The following MAPK1IP1L variants were observed in gnomAD, a reference collection of about 807,000 sequenced individuals.
MAPK1IP1L encodes the protein mitogen-activated protein kinase 1 interacting protein 1 like, also known as MAPK-interacting and spindle-stabilizing protein-like.
A neutral mutation model predicts 18.1 loss-of-function variants in MAPK1IP1L; 10 were observed. The observed-to-expected ratio is 0.55, with a 90% CI of 0.34 to 0.94. The LOEUF is 0.94. Among genes scored for constraint, MAPK1IP1L ranks in the 40% least tolerant of loss-of-function variants. The pLI is 0.02. For missense variants in MAPK1IP1L, 260 were observed against 318.2 expected (o/e 0.82, Z 1.39); for synonymous variants, 115 against 117.3 (o/e 0.98, Z 0.13).
rs1040190178 is a variant in MAPK1IP1L at position 55,069,687 on chromosome 14, C to T, written c.*5060C>T. The T allele has an allele frequency of 6.6e-6, 1 of 152,160 alleles. No individual in the cohort carries two copies. The highest frequency in any genetic ancestry group is 2.4e-5 in the African/African-American group (1 of 41,428). The allele number at this position is 152,160 out of a possible 1,614,324, so 9.4% of individuals were successfully genotyped here. A position where few individuals can be genotyped will look rare whatever the true frequency, so the allele number is the denominator to read the frequency against. On this transcript the variant is annotated 3_prime_UTR_variant, in exon 4 of 4. Transcript: ENST00000395468. ...CCTCTTTGCATGTGACCTGCATTCA[C>T]TAAGGATATCTGGAAACCACCCTTC...
At chr14:55,060,183 T>TA (rs1273890625) in intron 1 of MAPK1IP1L, among the ~76,000 whole-genome samples, 1 of 120,914 alleles carries the variant, frequency 8.3e-6, no homozygotes, top group Non-Finnish European at 1.7e-5. Context: ...TTTTTTTTTT[T>TA]TTTTTTGATA....
At chr14:55,060,808 T>TA (rs1256669732) in intron 1 of MAPK1IP1L, 1 of 152,178 alleles carries the variant, frequency 6.6e-6, no homozygotes, top group East Asian at 1.9e-4. Context: ...CACTTCAATT[T>TA]AAAAATTGGT....
intron 1 of MAPK1IP1L, among the ~76,000 whole-genome samples, chr14:55,055,009 T>C (rs72715588): frequency 0.017 from 2,643 of 152,354 alleles, 30 homozygotes; most frequent in African/African-American, 0.039. Flanking sequence ...CTTTAGATTA[T>C]TCCAAAAAGA....
At chr14:55,055,813 C>G (rs1005930048) in intron 1 of MAPK1IP1L, among the ~76,000 whole-genome samples, 2 of 152,046 alleles carry the variant, frequency 1.3e-5, no homozygotes, top group Non-Finnish European at 2.9e-5. Flanking sequence ...GCCTATAATC[C>G]CAGCTACTTG....
Position 55,067,743 on chromosome 14 carries a change from A to C in MAPK1IP1L, c.*3116A>C, listed in dbSNP as rs892004235. On this transcript the variant is annotated 3_prime_UTR_variant, in exon 4 of 4. Transcript: ENST00000395468. ...AAGGGAACAATGTTGCTTTCAAAAC[A>C]AGACATGCTAGGCTGAAACTGATTT... 2.0e-5 allele frequency: 3 copies of C among 152,190 alleles called. No homozygotes were observed. The highest frequency in any genetic ancestry group is 7.2e-5 in the African/African-American group (3 of 41,438). 9.4% of individuals were successfully genotyped at this position (152,190 alleles called of 1,614,324 possible). A position where few individuals can be genotyped will look rare whatever the true frequency, so the allele number is the denominator to read the frequency against.
chr14:55,054,073 A>G (rs1448316092), intron 1 of MAPK1IP1L, among the ~76,000 whole-genome samples: 5 of 152,144 alleles, frequency 3.3e-5, no homozygotes, highest in African/African-American at 1.2e-4. Flanking sequence ...GAGCATTTCA[A>G]AACCCCCGTT....
rs1278595751 is a variant in MAPK1IP1L, at chr14:55,066,062, T to C, written c.*1435T>C. The C allele has an allele frequency of 6.6e-6, 1 of 152,186 alleles. No homozygotes were observed. The highest frequency in any genetic ancestry group is 2.4e-5 in the African/African-American group (1 of 41,454). 9.4% of individuals were successfully genotyped at this position (152,186 alleles called of 1,614,324 possible). A position where few individuals can be genotyped will look rare whatever the true frequency, so the allele number is the denominator to read the frequency against. On this transcript the variant is annotated 3_prime_UTR_variant, in exon 4 of 4. Transcript: ENST00000395468. ...ATTTGGAGTAGACCTGACCTTGTTA[T>C]TTATTAGATAACATTTTGAATGTAT... is the stretch of plus-strand genomic sequence containing the variant.
intron 1 of MAPK1IP1L, among the ~76,000 whole-genome samples, chr14:55,060,064 T>C (rs1035044230): frequency 3.3e-5 from 5 of 151,226 alleles, no homozygotes; most frequent in African/African-American, 1.2e-4. Context: ...TAGGAAAACA[T>C]TGATAGATTT....
chr14:55,051,701 C>G lies in MAPK1IP1L; in HGVS notation c.-107C>G, dbSNP rs908325574. ...CGCGCTGCTGGTGCTGTTGCCGCCG[C>G]TGCTCTAGCTGCCGTCAGTCAGGCT... On this transcript the variant is annotated 5_prime_UTR_variant, in exon 1 of 4. Coordinates refer to ENST00000395468, the MANE Select transcript of MAPK1IP1L (RefSeq NM_144578.4). 5 of 516,218 alleles carry G rather than the reference C, an allele frequency of 9.7e-6. No homozygotes were observed. Among genetic ancestry groups the G allele is most frequent in the Non-Finnish European group, 1.9e-5 (5 of 259,564 alleles). 32.0% of individuals were successfully genotyped at this position (516,218 alleles called of 1,614,324 possible).
intron 3 of MAPK1IP1L, among the ~76,000 whole-genome samples, chr14:55,063,604 ACT>A (rs1235662005): frequency 6.6e-6 from 1 of 151,988 alleles, no homozygotes; most frequent in Non-Finnish European, 1.5e-5. Flanking sequence ...CTTTAGGTAA[ACT>A]CTGAGATTCA....
At chr14:55,052,196 C>G (rs1389234545) in intron 1 of MAPK1IP1L, among the ~76,000 whole-genome samples, 1 of 132,936 alleles carries the variant, frequency 7.5e-6, no homozygotes, top group African/African-American at 2.8e-5. Context: ...TCCCTTTGTT[C>G]GTGCGTCCCT....
chr14:55,052,160 C>T (rs1353639513), intron 1 of MAPK1IP1L, among the ~76,000 whole-genome samples: 1 of 128,534 alleles, frequency 7.8e-6, no homozygotes, highest in Non-Finnish European at 1.6e-5. Flanking sequence ...CGCTAGGAGG[C>T]CGGTTCGCTC....
Position 55,062,750 on chromosome 14 carries a change from T to C in MAPK1IP1L, c.151T>C (p.Ser51Pro). The C allele has an allele frequency of 6.2e-7, 1 of 1,614,148 alleles. No homozygotes were observed. The highest frequency in any genetic ancestry group is 8.5e-7 in the Non-Finnish European group (1 of 1,180,020). Residue 51 changes from serine to proline, a missense_variant, in exon 3 of 4, where the codon TCT becomes CCT. Coordinates refer to ENST00000395468, the MANE Select transcript of MAPK1IP1L (RefSeq NM_144578.4). ...NNPSAPSSVP[S>P]GLPPSATPST... Reference sequence around the variant, plus strand: ...TCCGAGTGCTCCATCTTCAGTGCCATCTGGACTCCCACCAAGTGCAACACC... The same window carrying C: ...TCCGAGTGCTCCATCTTCAGTGCCACCTGGACTCCCACCAAGTGCAACACC...
At chr14:55,063,680 A>C (rs1173819072) in intron 3 of MAPK1IP1L, among the ~76,000 whole-genome samples, 1 of 152,218 alleles carries the variant, frequency 6.6e-6, no homozygotes, top group East Asian at 1.9e-4. Flanking sequence ...ATCACACCAA[A>C]GTACAGTTCA....
At chr14:55,056,091 G>C (rs368079295) in intron 1 of MAPK1IP1L, among the ~76,000 whole-genome samples, 1 of 152,162 alleles carries the variant, frequency 6.6e-6, no homozygotes, top group African/African-American at 2.4e-5. Flanking sequence ...AGACAGTGCC[G>C]TAGAACAGAA....
chr14:55,052,075 T>C (rs900667044), intron 1 of MAPK1IP1L, among the ~76,000 whole-genome samples: 1 of 151,702 alleles, frequency 6.6e-6, no homozygotes, highest in Admixed American at 6.6e-5. Context: ...TCTGGGCGCC[T>C]GACGTCAGGT....
intron 1 of MAPK1IP1L, among the ~76,000 whole-genome samples, chr14:55,061,446 T>C (rs1024731407): frequency 8.5e-5 from 13 of 152,186 alleles, no homozygotes; most frequent in African/African-American, 2.9e-4. Flanking sequence ...GAAGGTAAAT[T>C]AAATTGCAAA....
Position 55,067,432 on chromosome 14 carries a change from C to T in MAPK1IP1L, c.*2805C>T, listed in dbSNP as rs1401799480. 6.6e-6 allele frequency: 1 copy of T among 150,754 alleles called. No individual in the cohort carries two copies. The highest frequency in any genetic ancestry group is 1.9e-4 in the East Asian group (1 of 5,140). The allele number at this position is 150,754 out of a possible 1,614,324, so 9.3% of individuals were successfully genotyped here. A position where few individuals can be genotyped will look rare whatever the true frequency, so the allele number is the denominator to read the frequency against. ...TCCTTTTTTCTTTTTTTTTTGGAGA[C>T]AGAGTCTTGCCCTGTCACCCAGGCT... On this transcript the variant is annotated 3_prime_UTR_variant, in exon 4 of 4. Transcript: ENST00000395468.
At chr14:55,056,687 T>A (rs180739073) in intron 1 of MAPK1IP1L, among the ~76,000 whole-genome samples, 241 of 152,300 alleles carry the variant, frequency 1.6e-3, no homozygotes, top group Non-Finnish European at 2.7e-3. Context: ...TTTTTTGTAT[T>A]TTTAGTAGAG....
Sources: gnomAD v4.1 joint callset for allele counts (sites outside exome capture counted in the v4.1 genomes callset) on GRCh38, gnomAD v4.1.1 for gene constraint, MANE v1.5 for transcripts, NCBI Gene and HGNC (gene_info 2026-07-23, HGNC 2026-07-21) for gene names.